CDH12: variants seen among roughly 807,000 people sequenced by gnomAD.
CDH12 encodes the protein cadherin 12.
A neutral mutation model predicts 74.1 loss-of-function variants in CDH12; 41 were observed. That is an observed-to-expected ratio of 0.55 (90% CI 0.43 to 0.72). The LOEUF (loss-of-function observed/expected upper bound fraction) is 0.72. CDH12 is among the 30% of genes least tolerant of loss of function. CDH12 has a pLI of 0.00. For missense variants in CDH12, 945 were observed against 977.2 expected, an observed-to-expected ratio of 0.97 and a Z score of 0.44; for synonymous variants, 399 against 355.0, an observed-to-expected ratio of 1.12 and a Z score of -1.39.
intron 3 of CDH12, among the ~76,000 whole-genome samples, chr5:22,332,596 A>C (rs1359942532): frequency 6.6e-6 from 1 of 152,196 alleles, no homozygotes; most frequent in African/African-American, 2.4e-5. Context: ...CATAATCTAC[A>C]CGGAACTTAA....
In CDH12 at chr5:22,039,125, C is replaced by T. The variant is rs190398308; in HGVS notation, c.231+39321G>A. Among the ~76,000 whole-genome samples, 135 of 152,226 alleles carry T rather than the reference C, an allele frequency of 8.9e-4. 1 individual carries two copies. The Middle Eastern group carries it at 0.01, about 12-fold the overall frequency. On this transcript the variant is annotated intron_variant, in intron 5 of 14. Transcript: ENST00000382254. ...CTGGGATACTGCCGAGTCCCACTAT[C>T]GCAGGATCCAGGGTCTACTACATGG...
chr5:22,776,384 A>G (rs1025776369), intron 1 of CDH12, among the ~76,000 whole-genome samples: 2 of 152,132 alleles, frequency 1.3e-5, no homozygotes, highest in African/African-American at 4.8e-5. Context: ...TAAATAAATG[A>G]TCCCTGTCCG....
chr5:21,891,939 T>C (rs1264442563), intron 6 of CDH12, among the ~76,000 whole-genome samples: 1 of 152,120 alleles, frequency 6.6e-6, no homozygotes, highest in Non-Finnish European at 1.5e-5. Flanking sequence ...TCCAAATCTA[T>C]GCTTAATTGA....
chr5:21,830,455 A>G (rs1254228236), intron 8 of CDH12, among the ~76,000 whole-genome samples: 1 of 152,180 alleles, frequency 6.6e-6, no homozygotes, highest in East Asian at 1.9e-4. Context: ...TATTATGAAT[A>G]TGGCTATATA....
intron 1 of CDH12, among the ~76,000 whole-genome samples, chr5:22,831,119 T>A (rs903378135): frequency 1.3e-5 from 2 of 151,988 alleles, no homozygotes; most frequent in Admixed American, 6.6e-5. Context: ...TGTTCATAGT[T>A]TAAGTTGAGA....
At chr5:22,171,301 C>T (rs1383952091) in intron 4 of CDH12, among the ~76,000 whole-genome samples, 2 of 151,782 alleles carry the variant, frequency 1.3e-5, no homozygotes, top group Non-Finnish European at 2.9e-5. Context: ...GGATAATGTT[C>T]GTTAAGTGCT....
intron 2 of CDH12, among the ~76,000 whole-genome samples, chr5:22,452,407 A>C (rs548973580): frequency 6.6e-6 from 1 of 152,184 alleles, no homozygotes; most frequent in Non-Finnish European, 1.5e-5. Context: ...AGAACTTGGA[A>C]ATATATTTAC....
chr5:21,957,942 G>T (rs1756174941), intron 6 of CDH12, among the ~76,000 whole-genome samples: 1 of 152,070 alleles, frequency 6.6e-6, no homozygotes, highest in South Asian at 2.1e-4. Flanking sequence ...GATATGTTAG[G>T]CTTTGTGTCC....
intron 4 of CDH12, among the ~76,000 whole-genome samples, chr5:22,125,519 A>G (rs534391333): frequency 4.6e-5 from 7 of 152,136 alleles, no homozygotes; most frequent in Non-Finnish European, 7.4e-5. Context: ...ATTGATGGGC[A>G]TTTGGACAAC....
At chr5:22,719,762 A>G (rs16898725) in intron 1 of CDH12, among the ~76,000 whole-genome samples, 6,241 of 152,226 alleles carry the variant, frequency 0.041, 174 homozygotes, top group Admixed American at 0.071. Flanking sequence ...TTTCACTTAC[A>G]ATGTTTAGTG....
chr5:22,453,172 T>G (rs995045891), intron 2 of CDH12, among the ~76,000 whole-genome samples: 1 of 152,064 alleles, frequency 6.6e-6, no homozygotes, highest in Non-Finnish European at 1.5e-5. Flanking sequence ...AAAACCAGTA[T>G]GGAGGTTTCT....
At chr5:22,818,205 A>C (rs1486084260) in intron 1 of CDH12, among the ~76,000 whole-genome samples, 1 of 152,140 alleles carries the variant, frequency 6.6e-6, no homozygotes, top group Non-Finnish European at 1.5e-5. Flanking sequence ...TTAAGTACAC[A>C]CTGCAAAGGA....
chr5:22,389,653 T>TC (rs962597567), intron 3 of CDH12, among the ~76,000 whole-genome samples: 1 of 149,386 alleles, frequency 6.7e-6, no homozygotes, highest in Non-Finnish European at 1.5e-5. Flanking sequence ...AAAGACAATT[T>TC]TTTTTTTTTT....
chr5:22,456,812 C>T (rs1440232183), intron 2 of CDH12, among the ~76,000 whole-genome samples: 1 of 152,124 alleles, frequency 6.6e-6, no homozygotes, highest in Non-Finnish European at 1.5e-5. Flanking sequence ...AGGATCTCTG[C>T]ATGGTTGACT....
chr5:22,506,240 G>A (rs1204650520), intron 1 of CDH12, among the ~76,000 whole-genome samples: 1 of 152,082 alleles, frequency 6.6e-6, no homozygotes, highest in Non-Finnish European at 1.5e-5. Context: ...TGCTGGAGGG[G>A]AAAATGACAC....
chr5:22,721,347 A>G (rs1047009390), intron 1 of CDH12, among the ~76,000 whole-genome samples: 1 of 152,248 alleles, frequency 6.6e-6, no homozygotes, highest in Non-Finnish European at 1.5e-5. Flanking sequence ...TTAAGATTGA[A>G]TGACTGTCCT....
At chr5:21,894,212 C>G (rs927359087) in intron 6 of CDH12, among the ~76,000 whole-genome samples, 1 of 151,732 alleles carries the variant, frequency 6.6e-6, no homozygotes, top group African/African-American at 2.4e-5. Context: ...CACCTTGTCT[C>G]TACTAAAAAT....
intron 11 of CDH12, chr5:21,779,356 C>G (rs764928371): frequency 2.6e-5 from 4 of 151,992 alleles, no homozygotes; most frequent in African/African-American, 9.7e-5. Flanking sequence ...GCAAGCCATC[C>G]TGTCTGGCTA....
chr5:22,174,973 A>G (rs1470720692), intron 4 of CDH12, among the ~76,000 whole-genome samples: 1 of 151,996 alleles, frequency 6.6e-6, no homozygotes, highest in African/African-American at 2.4e-5. Flanking sequence ...TTAGTCTTCC[A>G]CATTAATGTT....
Sources: gnomAD v4.1 joint callset for allele counts (sites outside exome capture counted in the v4.1 genomes callset) on GRCh38, gnomAD v4.1.1 for gene constraint, MANE v1.5 for transcripts, NCBI Gene and HGNC (gene_info 2026-07-23, HGNC 2026-07-21) for gene names.